The following PTPRG variants were observed in gnomAD, a reference collection of about 807,000 sequenced individuals.
The protein encoded by PTPRG is receptor-type tyrosine-protein phosphatase gamma.
PTPRG carries 102 observed loss-of-function variants against 165.3 expected under a neutral mutation model. The ratio of observed to expected loss-of-function variants is 0.62; its 90% CI spans 0.53 to 0.73. The LOEUF (loss-of-function observed/expected upper bound fraction) is 0.73, where lower values mean the gene tolerates loss of function less well. Among genes scored for constraint, PTPRG ranks in the 30% least tolerant of loss-of-function variants. The probability of loss-of-function intolerance (pLI) is 0.00; values close to 1 mark genes in which losing one functional copy is unlikely to be tolerated. For missense variants in PTPRG, 1,866 were observed against 1,861.4 expected, an observed-to-expected ratio of 1.00 and a Z score of -0.05; for synonymous variants, 675 against 669.5, an observed-to-expected ratio of 1.01 and a Z score of -0.13.
chr3:62,268,965 T>G lies in PTPRG; in HGVS notation c.2875-70T>G. On this transcript the variant is annotated intron_variant, in intron 19 of 29. Transcript: ENST00000474889. Reference sequence around the variant, plus strand: ...TCACCTGTGTTTTAACATTGTCGTTTGAAATTACATTATCAACAGAATTGT... The same window carrying G: ...TCACCTGTGTTTTAACATTGTCGTTGGAAATTACATTATCAACAGAATTGT... The G allele has an allele frequency of 2.1e-6, 3 of 1,402,340 alleles. No homozygotes were observed. In the South Asian group the frequency reaches 5.5e-5, roughly 26 times the overall value. 86.9% of individuals were successfully genotyped at this position (1,402,340 alleles called of 1,614,324 possible).
intron 10 of PTPRG, among the ~76,000 whole-genome samples, chr3:62,197,302 T>C (rs1324036805): frequency 6.6e-6 from 1 of 152,130 alleles, no homozygotes; most frequent in Non-Finnish European, 1.5e-5. Flanking sequence ...AGTATTAGTA[T>C]ATAAAAATAA....
chr3:61,972,427 A>G (rs567481718), intron 2 of PTPRG, among the ~76,000 whole-genome samples: 4 of 142,938 alleles, frequency 2.8e-5, no homozygotes, highest in African/African-American at 5.1e-5. Flanking sequence ...GGTGAGTGAC[A>G]TGATCTGACT....
At chr3:62,260,020 A>G (rs1014290872) in intron 16 of PTPRG, among the ~76,000 whole-genome samples, 2 of 152,190 alleles carry the variant, frequency 1.3e-5, no homozygotes, top group African/African-American at 4.8e-5. Flanking sequence ...GAGGAAAATC[A>G]GTCTGGCAGC....
At chr3:62,032,050 G>A (rs1419386953) in intron 4 of PTPRG, among the ~76,000 whole-genome samples, 1 of 152,196 alleles carries the variant, frequency 6.6e-6, no homozygotes, top group Non-Finnish European at 1.5e-5. Flanking sequence ...TAATGCCTTA[G>A]GGCTAATGAG....
intron 1 of PTPRG, among the ~76,000 whole-genome samples, chr3:61,710,430 A>C (rs1163118708): frequency 6.6e-6 from 1 of 152,170 alleles, no homozygotes; most frequent in Non-Finnish European, 1.5e-5. Context: ...CCCATTTTAA[A>C]AGTAAGTAAA....
chr3:61,701,764 T>C (rs2030974408), intron 1 of PTPRG, among the ~76,000 whole-genome samples: 1 of 151,936 alleles, frequency 6.6e-6, no homozygotes, highest in African/African-American at 2.4e-5. Context: ...AGGTGTCGTG[T>C]CACGTGACTG....
intron 1 of PTPRG, among the ~76,000 whole-genome samples, chr3:61,566,352 C>G (rs1413384509): frequency 1.3e-5 from 2 of 152,262 alleles, no homozygotes; most frequent in African/African-American, 4.8e-5. Flanking sequence ...CCTTTCTATT[C>G]TAAACAGCTC....
chr3:62,223,294 G>C, intron 13 of PTPRG, among the ~76,000 whole-genome samples: 1 of 152,300 alleles, frequency 6.6e-6, no homozygotes, highest in Middle Eastern at 3.4e-3. Flanking sequence ...ACATAGCCTG[G>C]ATTTGGAGCC....
At chr3:61,836,367 A>G (rs1220333701) in intron 2 of PTPRG, among the ~76,000 whole-genome samples, 2 of 152,162 alleles carry the variant, frequency 1.3e-5, no homozygotes, top group Non-Finnish European at 2.9e-5. Context: ...AAGTGGTTGA[A>G]GTAATGCAGT....
chr3:61,973,285 G>C (rs58382514), intron 2 of PTPRG, among the ~76,000 whole-genome samples: 18,051 of 152,218 alleles, frequency 0.12, 1,254 homozygotes, highest in Non-Finnish European at 0.16. Context: ...CTAGGATCCA[G>C]CTGTTTTGGA....
chr3:62,169,597 G>T (rs991492357), intron 8 of PTPRG, among the ~76,000 whole-genome samples: 2 of 152,018 alleles, frequency 1.3e-5, no homozygotes, highest in Admixed American at 6.6e-5. Context: ...ACAGAGCTCC[G>T]GAAATGCTGA....
At chr3:62,139,272 C>G (rs1703833616) in intron 6 of PTPRG, among the ~76,000 whole-genome samples, 1 of 152,064 alleles carries the variant, frequency 6.6e-6, no homozygotes, top group South Asian at 2.1e-4. Context: ...CGAGACCAGC[C>G]TGGTCAACAT....
intron 1 of PTPRG, among the ~76,000 whole-genome samples, chr3:61,692,434 T>C (rs920069105): frequency 5.9e-5 from 9 of 152,232 alleles, no homozygotes; most frequent in Middle Eastern, 3.2e-3. Flanking sequence ...GTTTGGTAGA[T>C]ATTAGCTGCT....
At chr3:62,206,446 G>A (rs1700232237) in intron 12 of PTPRG, among the ~76,000 whole-genome samples, 1 of 152,244 alleles carries the variant, frequency 6.6e-6, no homozygotes, top group South Asian at 2.1e-4. Context: ...GCAAAGTGGA[G>A]CTAATGATCA....
rs1703022779 is a variant in PTPRG at position 61,672,075 on chromosome 3, C to T, written c.86-76803C>T. 2.7e-5 allele frequency among the ~76,000 whole-genome samples: 4 copies of T among 147,982 alleles called. No individual in the cohort carries two copies. The South Asian group carries it at 8.6e-4, about 32-fold the overall frequency. On this transcript the variant is annotated intron_variant, in intron 1 of 29. Coordinates refer to ENST00000474889, the MANE Select transcript of PTPRG (RefSeq NM_002841.4). ...GCTGGGCAGAGACGCTCCTCACATC[C>T]CGGACGGGGCAGCAGGGCAGAGGTG...
intron 1 of PTPRG, among the ~76,000 whole-genome samples, chr3:61,658,543 T>A (rs1372466307): frequency 6.6e-6 from 1 of 152,238 alleles, no homozygotes; most frequent in Non-Finnish European, 1.5e-5. Context: ...AGCTCCCTGG[T>A]GTTTTATTCT....
chr3:61,861,063 C>G (rs1010523542), intron 2 of PTPRG, among the ~76,000 whole-genome samples: 3 of 151,258 alleles, frequency 2.0e-5, no homozygotes, highest in Non-Finnish European at 4.4e-5. Context: ...GAGTAAGTAG[C>G]TTTTTAGGAT....
chr3:61,686,432 G>A (rs1011674641), intron 1 of PTPRG, among the ~76,000 whole-genome samples: 3 of 152,206 alleles, frequency 2.0e-5, no homozygotes, highest in Admixed American at 2.0e-4. Flanking sequence ...AGTGGTCTTA[G>A]ACGTCACTAT....
In PTPRG at chr3:61,906,286, C is replaced by T. The variant is rs185625050; in HGVS notation, c.191-83339C>T. On this transcript the variant is annotated intron_variant, in intron 2 of 29. Transcript: ENST00000474889. ...TGGCCAACATAATGAAACCCTGTCT[C>T]TACTAAAAATAAAAAAAAAATTAGC... Among the ~76,000 whole-genome samples the T allele has an allele frequency of 1.0e-3, 152 of 150,386 alleles. No individual in the cohort carries two copies. In the Middle Eastern group the frequency reaches 0.01, roughly 10 times the overall value.
Sources: gnomAD v4.1 joint callset for allele counts (sites outside exome capture counted in the v4.1 genomes callset) on GRCh38, gnomAD v4.1.1 for gene constraint, MANE v1.5 for transcripts, NCBI Gene and HGNC (gene_info 2026-07-23, HGNC 2026-07-21) for gene names.